The following TP73 variants were observed in gnomAD, a reference collection of about 807,000 sequenced individuals.
TP73 encodes the protein tumor protein p73.
A neutral mutation model predicts 62.5 loss-of-function variants in TP73; 25 were observed. The ratio of observed to expected loss-of-function variants is 0.40; its 90% CI spans 0.29 to 0.56. The LOEUF (loss-of-function observed/expected upper bound fraction) is 0.56, where lower values mean the gene tolerates loss of function less well. TP73 is among the 20% of genes least tolerant of loss of function. The probability of loss-of-function intolerance (pLI) is 0.46; values close to 1 mark genes in which losing one functional copy is unlikely to be tolerated. For synonymous variants in TP73, 423 were observed against 377.5 expected (o/e 1.12, Z -1.40); for missense variants, 754 against 913.3 (o/e 0.83, Z 2.25).
Position 3,658,366 on chromosome 1 carries a change from T to C in TP73, c.-34+5725T>C, listed in dbSNP as rs183859548. On this transcript the variant is annotated intron_variant, in intron 1 of 13. Transcript: ENST00000378295. Reference sequence around the variant, plus strand: ...ACAAGAGACAACAGTTTTAAGGCTGTGCCCCCGCCCGGAAGTGCCATAAAA... The same window carrying C: ...ACAAGAGACAACAGTTTTAAGGCTGCGCCCCCGCCCGGAAGTGCCATAAAA... Among the ~76,000 whole-genome samples, 610 of 152,292 alleles carry C rather than the reference T, an allele frequency of 4.0e-3. 4 individuals are homozygous for C. Among genetic ancestry groups the C allele is most frequent in the African/African-American group, 0.014 (568 of 41,566 alleles).
intron 1 of TP73, among the ~76,000 whole-genome samples, chr1:3,673,265 C>T (rs1463714955): frequency 1.3e-5 from 2 of 152,186 alleles, no homozygotes; most frequent in Admixed American, 6.5e-5. Context: ...GAGCCAGGGA[C>T]CCGGCAGCCA....
At chr1:3,707,389 C>T (rs1639751359) in intron 3 of TP73, among the ~76,000 whole-genome samples, 160 bp from the exon 4 acceptor site, 2 of 152,170 alleles carry the variant, frequency 1.3e-5, no homozygotes, top group Admixed American at 6.5e-5. Flanking sequence ...TATCCCAATG[C>T]AAGTAGTGGC....
chr1:3,688,183 C>A (rs538214810), intron 3 of TP73, among the ~76,000 whole-genome samples: 1 of 152,094 alleles, frequency 6.6e-6, no homozygotes, highest in Non-Finnish European at 1.5e-5. Flanking sequence ...CCACCCGTTA[C>A]CCCCTCCCAG....
chr1:3,708,066 C>T (rs1045462049), intron 4 of TP73: 5 of 542,376 alleles, frequency 9.2e-6, no homozygotes, highest in African/African-American at 1.9e-5. Context: ...AGATCTCTGC[C>T]AAGACTGGCC....
intron 1 of TP73, among the ~76,000 whole-genome samples, chr1:3,669,039 C>G (rs1015419892): frequency 1.3e-5 from 2 of 152,234 alleles, no homozygotes; most frequent in Non-Finnish European, 2.9e-5. Context: ...CGCCTAGTTT[C>G]GCAACTCCAA....
chr1:3,657,421 C>T (rs1284827052), intron 1 of TP73, among the ~76,000 whole-genome samples: 5 of 152,164 alleles, frequency 3.3e-5, no homozygotes, highest in African/African-American at 7.2e-5. Flanking sequence ...CCTTGGATTT[C>T]GGGCCCACCT....
rs557269143 is a variant in TP73 at position 3,733,432 on chromosome 1, C to T, written c.*353C>T. 1.1e-5 allele frequency: 4 copies of T among 352,552 alleles called. No homozygotes were observed. The highest frequency in any genetic ancestry group is 6.2e-5 in the African/African-American group (3 of 48,560). 21.8% of individuals were successfully genotyped at this position (352,552 alleles called of 1,614,324 possible). On this transcript the variant is annotated 3_prime_UTR_variant, in exon 14 of 14. Transcript: ENST00000378295. ...CGACTTCCAGGCTTCATCCTAGAGA[C>T]TGTCATCTCCCAACCAGGCGAGGTC... is the stretch of plus-strand genomic sequence containing the variant.
chr1:3,696,245 G>A lies in TP73; in HGVS notation c.187-11304G>A, dbSNP rs1308923364. Among the ~76,000 whole-genome samples, 2 of 152,118 alleles carry A rather than the reference G, an allele frequency of 1.3e-5. No individual in the cohort carries two copies. Among genetic ancestry groups the A allele is most frequent in the Non-Finnish European group, 2.9e-5 (2 of 68,032 alleles). ...GAAGGTGACCTTAGAGGAAGAGCAGGGGAGGATTCCAGAAAGATGCTGAGG... is the reference window on the plus strand; with the variant it reads ...GAAGGTGACCTTAGAGGAAGAGCAGAGGAGGATTCCAGAAAGATGCTGAGG... On this transcript the variant is annotated intron_variant, in intron 3 of 13. Coordinates refer to ENST00000378295, the MANE Select transcript of TP73 (RefSeq NM_005427.4). This position sits in a 1 kb window ranked among gnomAD's most constrained non-coding sequence, Gnocchi z 4.1.
Position 3,729,464 on chromosome 1 carries a change from C to T in TP73, c.1196+16C>T, listed in dbSNP as rs1346252990. On this transcript the variant is annotated intron_variant, in intron 10 of 13. Coordinates refer to ENST00000378295, the MANE Select transcript of TP73 (RefSeq NM_005427.4). ...TACAGAGGCCGTGAGTCAGCCCTAGCCCACCATCAGTGTGGGGAAGGAGGA... is the reference window on the plus strand; with the variant it reads ...TACAGAGGCCGTGAGTCAGCCCTAGTCCACCATCAGTGTGGGGAAGGAGGA... 12 of 1,612,270 alleles carry T rather than the reference C, an allele frequency of 7.4e-6. No homozygotes were observed. The highest frequency in any genetic ancestry group is 1.0e-5 in the Non-Finnish European group (12 of 1,179,914).
chr1:3,733,823 C>CG lies in TP73; in HGVS notation c.*748dup, dbSNP rs1219231393. On this transcript the variant is annotated 3_prime_UTR_variant, in exon 14 of 14. Transcript: ENST00000378295. ...CAGCCTGGCCACAGTCGCCTCTCCT[C>CG]GGGGACCCCTCAGCAGAAAGGGACA... The CG allele has an allele frequency of 3.9e-5, 6 of 151,958 alleles. No homozygotes were observed. Among genetic ancestry groups the CG allele is most frequent in the African/African-American group, 1.4e-4 (6 of 41,414 alleles). The allele number at this position is 151,958 out of a possible 1,614,324, so 9.4% of individuals were successfully genotyped here. A position where few individuals can be genotyped will look rare whatever the true frequency, so the allele number is the denominator to read the frequency against.
In TP73 at chr1:3,676,834, C is replaced by T. The variant is rs12057230; in HGVS notation, c.-33-5499C>T. Among the ~76,000 whole-genome samples the T allele has an allele frequency of 6.1e-4, 92 of 151,920 alleles. No individual in the cohort carries two copies. In the East Asian group the frequency reaches 0.014, roughly 23 times the overall value. On this transcript the variant is annotated intron_variant, in intron 1 of 13. Coordinates refer to ENST00000378295, the MANE Select transcript of TP73 (RefSeq NM_005427.4). ...GGAGCCATGGCACAGCACCCCCTCT[C>T]CGCCACGGCCCCGACAGCTGGGCGT...
chr1:3,698,015 G>A (rs1028189379), intron 3 of TP73: 3 of 942,336 alleles, frequency 3.2e-6, no homozygotes, highest in Non-Finnish European at 3.8e-6. Context: ...TCAAGTTCTC[G>A]GCTCAGCCAC....
At chr1:3,727,313 C>T in intron 7 of TP73, 89 bp downstream of exon 7, 1 of 1,293,392 alleles carries the variant, frequency 7.7e-7, no homozygotes, top group Non-Finnish European at 1.1e-6. Context: ...GACCTGCAGG[C>T]CAAGGCTAGC....
intron 3 of TP73, among the ~76,000 whole-genome samples, chr1:3,697,142 C>T (rs1048830996): frequency 6.6e-6 from 1 of 150,454 alleles, no homozygotes; most frequent in Non-Finnish European, 1.5e-5. Context: ...TGCCTGGGGC[C>T]CCTGCGGGGC....
At position 3,666,150 on chromosome 1, in the gene TP73, A is replaced by G. The variant is rs543394835; in HGVS notation, c.-34+13509A>G. Reference sequence around the variant, plus strand: ...AAAAAAAAAAAAAAAAAAAAAAAAAAAGAGAGAGAGAGAGAGAGAATCTCA... The same window carrying G: ...AAAAAAAAAAAAAAAAAAAAAAAAAGAGAGAGAGAGAGAGAGAGAATCTCA... On this transcript the variant is annotated intron_variant, in intron 1 of 13. Coordinates refer to ENST00000378295, the MANE Select transcript of TP73 (RefSeq NM_005427.4). This position sits in a 1 kb window ranked among gnomAD's most constrained non-coding sequence, Gnocchi z 6.4. Among the ~76,000 whole-genome samples the G allele has an allele frequency of 6.1e-4, 85 of 138,648 alleles. No individual in the cohort carries two copies. The highest frequency in any genetic ancestry group is 2.6e-3 in the East Asian group (13 of 4,930). The allele number at this position is 138,648 out of a possible 152,430, so 91.0% of individuals were successfully genotyped here.
intron 5 of TP73, among the ~76,000 whole-genome samples, chr1:3,723,147 C>T (rs1641233796): frequency 6.8e-6 from 1 of 147,762 alleles, no homozygotes; most frequent in Non-Finnish European, 1.5e-5. Flanking sequence ...GGGCACCTCT[C>T]TGTGCCTGGC....
intron 1 of TP73, among the ~76,000 whole-genome samples, chr1:3,658,655 A>G (rs946586173): frequency 6.6e-6 from 1 of 152,262 alleles, no homozygotes; most frequent in Non-Finnish European, 1.5e-5. Context: ...TTCTTTAGAA[A>G]AGAGAGTTTT....
intron 12 of TP73, 78 bp from the exon 13 acceptor site, chr1:3,731,385 C>A: frequency 1.4e-6 from 2 of 1,432,322 alleles, no homozygotes; most frequent in African/African-American, 1.4e-5. Context: ...CCCAGCCAGG[C>A]CACTCTCAGA....
chr1:3,726,394 AG>A (rs1188216684), intron 6 of TP73, among the ~76,000 whole-genome samples: 1 of 18,524 alleles, frequency 5.4e-5, no homozygotes, highest in Admixed American at 6.6e-4. Context: ...TAAATGGGGG[AG>A]TGGATGGATG....
Sources: gnomAD v4.1 joint callset for allele counts (sites outside exome capture counted in the v4.1 genomes callset) on GRCh38, gnomAD v4.1.1 for gene constraint, Gnocchi (gnomAD v3.1) non-coding constraint, MANE v1.5 for transcripts, NCBI Gene and HGNC (gene_info 2026-07-23, HGNC 2026-07-21) for gene names.